The following GRIN3A variants were observed in gnomAD, a reference collection of about 807,000 sequenced individuals.
GRIN3A encodes glutamate receptor ionotropic, NMDA 3A.
Under a neutral mutation model 92.4 loss-of-function variants are expected in GRIN3A, and 47 were observed. The observed-to-expected ratio is 0.51, with a 90% confidence interval of 0.40 to 0.65. GRIN3A has a LOEUF of 0.65. Ranked by LOEUF, GRIN3A falls within the 30% of genes least tolerant of loss-of-function variation. The pLI is 0.00. For missense variants in GRIN3A, 1,324 were observed against 1,393.1 expected, an observed-to-expected ratio of 0.95 and a Z score of 0.79; for synonymous variants, 527 against 540.6, an observed-to-expected ratio of 0.97 and a Z score of 0.35.
intron 3 of GRIN3A, among the ~76,000 whole-genome samples, chr9:101,642,838 A>G (rs1410988966): frequency 6.6e-6 from 1 of 152,112 alleles, no homozygotes; most frequent in Non-Finnish European, 1.5e-5. Context: ...GAATCTAATG[A>G]TTCTGTTATG....
chr9:101,637,422 A>G (rs1367638874), intron 3 of GRIN3A, among the ~76,000 whole-genome samples: 1 of 152,158 alleles, frequency 6.6e-6, no homozygotes, highest in African/African-American at 2.4e-5. Flanking sequence ...CATAAACTAG[A>G]AGAGAGATGT....
intron 3 of GRIN3A, among the ~76,000 whole-genome samples, chr9:101,655,988 C>A (rs575869413): frequency 5.9e-5 from 9 of 152,016 alleles, no homozygotes; most frequent in African/African-American, 1.9e-4. Context: ...ACAGGGGCAG[C>A]ACCTTTCATT....
At chr9:101,586,482 G>A (rs981016509) in intron 6 of GRIN3A, among the ~76,000 whole-genome samples, 4 of 152,042 alleles carry the variant, frequency 2.6e-5, no homozygotes, top group Non-Finnish European at 5.9e-5. Flanking sequence ...TAGAACAGTT[G>A]TTTAAGAGAG....
intron 7 of GRIN3A, 71 bp downstream of exon 7, chr9:101,579,125 G>A: frequency 6.6e-7 from 1 of 1,505,516 alleles, no homozygotes; most frequent in Non-Finnish European, 9.2e-7. Flanking sequence ...CTGACATAGG[G>A]CTCTGGATCC....
At chr9:101,703,108 A>T (rs1490387825) in intron 1 of GRIN3A, among the ~76,000 whole-genome samples, 2 of 152,236 alleles carry the variant, frequency 1.3e-5, no homozygotes, top group Non-Finnish European at 2.9e-5. Context: ...GACAGCAGGC[A>T]GAGTGATTTT....
chr9:101,594,074 C>G (rs781415169), intron 6 of GRIN3A: 1 of 232,108 alleles, frequency 4.3e-6, no homozygotes, highest in Non-Finnish European at 8.3e-6. Flanking sequence ...TGAGAAATAA[C>G]AGCAAAAATG....
intron 3 of GRIN3A, among the ~76,000 whole-genome samples, chr9:101,666,400 C>G (rs984405807): frequency 6.6e-6 from 1 of 151,838 alleles, no homozygotes; most frequent in Non-Finnish European, 1.5e-5. Context: ...GAAGGGAAAA[C>G]CAAATACCAC....
intron 3 of GRIN3A, among the ~76,000 whole-genome samples, chr9:101,663,588 T>A (rs1286508368): frequency 6.6e-6 from 1 of 151,870 alleles, no homozygotes; most frequent in African/African-American, 2.4e-5. Context: ...ATTCATATGT[T>A]TTATTGGGCA....
At chr9:101,654,284 C>CAT (rs35779314) in intron 3 of GRIN3A, among the ~76,000 whole-genome samples, 1 of 150,656 alleles carries the variant, frequency 6.6e-6, no homozygotes, top group South Asian at 2.1e-4. Context: ...TACACATGCA[C>CAT]ATATATATAT....
In GRIN3A at chr9:101,579,202, G is replaced by C. The variant is rs1335904536; in HGVS notation, c.2925C>G (p.Thr975=). ...AGACACCTGTGGCACTCACCTGGCT[G>C]GTGTGGAGCCAGTATTGCAGCTTGG... ...NKSKLQYWLH[T]SQRLHRAINT... Residue 975 remains threonine, a synonymous_variant, in exon 7 of 9, where the codon ACC becomes ACG. Coordinates refer to ENST00000361820, the MANE Select transcript of GRIN3A (RefSeq NM_133445.3). 1 of 1,613,812 alleles carries C rather than the reference G, an allele frequency of 6.2e-7. No individual in the cohort carries two copies. Among genetic ancestry groups the C allele is most frequent in the East Asian group, 2.2e-5 (1 of 44,860 alleles).
chr9:101,700,933 A>T (rs911342540), intron 1 of GRIN3A, among the ~76,000 whole-genome samples: 3 of 152,226 alleles, frequency 2.0e-5, no homozygotes, highest in Admixed American at 2.0e-4. Flanking sequence ...TATTATCATT[A>T]TGGATCCTAG....
chr9:101,650,322 C>G (rs1828998023), intron 3 of GRIN3A, among the ~76,000 whole-genome samples: 2 of 152,040 alleles, frequency 1.3e-5, no homozygotes, highest in Admixed American at 6.6e-5. Flanking sequence ...AACTCTGGTC[C>G]TAGCCATGTG....
chr9:101,684,234 C>T (rs1286879778), intron 2 of GRIN3A, among the ~76,000 whole-genome samples: 1 of 150,352 alleles, frequency 6.7e-6, no homozygotes, highest in Non-Finnish European at 1.5e-5. Flanking sequence ...TCCCACGTAG[C>T]TGGGACTACA....
At chr9:101,658,302 A>T (rs2900313) in intron 3 of GRIN3A, among the ~76,000 whole-genome samples, 1 of 151,340 alleles carries the variant, frequency 6.6e-6, no homozygotes, top group African/African-American at 2.4e-5. Flanking sequence ...TGTTAATATT[A>T]TTATTTGTTG....
At chr9:101,673,312 A>G (rs1297078991) in intron 2 of GRIN3A, among the ~76,000 whole-genome samples, 1 of 152,110 alleles carries the variant, frequency 6.6e-6, no homozygotes, top group Non-Finnish European at 1.5e-5. Flanking sequence ...GTATTAAATA[A>G]CATTTAAGAT....
intron 1 of GRIN3A, among the ~76,000 whole-genome samples, chr9:101,703,659 A>G (rs1046594393): frequency 6.6e-6 from 1 of 152,156 alleles, no homozygotes; most frequent in Non-Finnish European, 1.5e-5. Context: ...TGGCTGACTT[A>G]CTGACTCAGG....
At chr9:101,686,518 C>G (rs1235377588) in intron 2 of GRIN3A, 78 bp downstream of exon 2, 1 of 1,524,496 alleles carries the variant, frequency 6.6e-7, no homozygotes, top group African/African-American at 1.4e-5. Flanking sequence ...AAGATTTCTG[C>G]AAAGCGGACA....
chr9:101,656,838 C>T (rs1175557842), intron 3 of GRIN3A, among the ~76,000 whole-genome samples: 1 of 151,892 alleles, frequency 6.6e-6, no homozygotes, highest in Non-Finnish European at 1.5e-5. Flanking sequence ...AGCAGCTTCA[C>T]CTATGAGGAG....
intron 3 of GRIN3A, among the ~76,000 whole-genome samples, chr9:101,650,846 G>T (rs768041928): frequency 6.6e-6 from 1 of 151,882 alleles, no homozygotes; most frequent in Non-Finnish European, 1.5e-5. Flanking sequence ...TTTCTCAAAG[G>T]TTGGTTCCTG....
Sources: gnomAD v4.1 joint callset for allele counts (sites outside exome capture counted in the v4.1 genomes callset) on GRCh38, gnomAD v4.1.1 for gene constraint, MANE v1.5 for transcripts, NCBI Gene and HGNC (gene_info 2026-07-23, HGNC 2026-07-21) for gene names.